The following SCAF11 variants were observed in gnomAD, a reference collection of about 807,000 sequenced individuals.
SCAF11 encodes the protein protein SCAF11.
In SCAF11, 47 loss-of-function variants were observed where a neutral mutation model predicts 140.5. That is an observed-to-expected ratio of 0.33 (90% CI 0.26 to 0.43). SCAF11 has a LOEUF of 0.43. Ranked by LOEUF, SCAF11 falls within the 20% of genes least tolerant of loss-of-function variation. The pLI, the probability that SCAF11 is intolerant of heterozygous loss-of-function variation, is 1.00. For missense variants in SCAF11, 1,645 were observed against 1,705.1 expected (o/e 0.96, Z 0.62); for synonymous variants, 557 against 579.4 (o/e 0.96, Z 0.55).
Position 45,919,515 on chromosome 12 carries a change from A to G in SCAF11, c.*2533T>C, listed in dbSNP as rs986689070. The G allele has an allele frequency of 2.6e-5, 4 of 152,392 alleles. No homozygotes were observed. Among genetic ancestry groups the G allele is most frequent in the Admixed American group, 2.6e-4 (4 of 15,290 alleles). 9.4% of individuals were successfully genotyped at this position (152,392 alleles called of 1,614,324 possible). ...CAATACTGAACCTTGATAAATAATA[A>G]GAGGAAATGTAACTCCACAAAATGT... On this transcript the variant is annotated 3_prime_UTR_variant, in exon 15 of 15. Coordinates refer to ENST00000369367, the MANE Select transcript of SCAF11 (RefSeq NM_004719.3).
At chr12:45,958,462 A>C (rs1013437299) in intron 3 of SCAF11, among the ~76,000 whole-genome samples, 6 of 152,224 alleles carry the variant, frequency 3.9e-5, no homozygotes, top group African/African-American at 1.4e-4. Flanking sequence ...ACATTTCATC[A>C]GTTCAAATGT....
Position 45,926,576 on chromosome 12 carries a change from A to C in SCAF11, c.3125T>G (p.Leu1042Trp), listed in dbSNP as rs761311811. Residue 1042 changes from leucine (L) to tryptophan (W), a missense_variant, in exon 11 of 15, where the codon TTG becomes TGG. Around this residue, in one of 2 missense-constraint regions of SCAF11, gnomAD observed 1,582 missense variants for 1,609.2 expected, o/e 0.98. Coordinates refer to ENST00000369367, the MANE Select transcript of SCAF11 (RefSeq NM_004719.3). ...ATTTTCTTCCCAATGAGACTCTTTC[A>C]ACTTTTCTGGATTTCTGGTTCTTGG... ...PDPRTRNPEK[L>W]KESHWEENRN... The C allele has an allele frequency of 6.2e-7, 1 of 1,613,186 alleles. No individual in the cohort carries two copies. Among genetic ancestry groups the C allele is most frequent in the Non-Finnish European group, 8.5e-7 (1 of 1,179,830 alleles).
intron 1 of SCAF11, 97 bp from the exon 2 acceptor site, chr12:45,964,285 T>C: frequency 3.1e-6 from 2 of 646,870 alleles, no homozygotes; most frequent in South Asian, 3.9e-5. Context: ...ATTTTACACA[T>C]AAAAGAACAC....
upstream of SCAF11, chr12:45,991,945 T>G (rs1946623108): frequency 7.8e-7 from 1 of 1,288,912 alleles, no homozygotes; most frequent in Non-Finnish European, 1.0e-6. Flanking sequence ...GCCCCCGTTC[T>G]GTTCGCGCGT....
In SCAF11 at chr12:45,979,842, T is replaced by C. The variant is rs527876846; in HGVS notation, c.-22+10511A>G. Among the ~76,000 whole-genome samples, 5 of 151,874 alleles carry C rather than the reference T, an allele frequency of 3.3e-5. No individual in the cohort carries two copies. The South Asian group carries it at 1.0e-3, about 32-fold the overall frequency. ...CAATCCTACTCCTATGAAATACAAC[T>C]CTAACCCAGATACCGATTGTATTAC... On this transcript the variant is annotated intron_variant, in intron 1 of 14. Transcript: ENST00000369367.
At chr12:45,974,083 A>T (rs1220616865) in intron 1 of SCAF11, 2 of 413,028 alleles carry the variant, frequency 4.8e-6, no homozygotes, top group Admixed American at 2.8e-5. Flanking sequence ...AAAGCAAGTC[A>T]CACAAAATTT....
chr12:45,926,783 T>C lies in SCAF11; in HGVS notation c.2918A>G (p.Asp973Gly). Residue 973 changes from aspartate to glycine, a missense_variant, in exon 11 of 15, where the codon GAT becomes GGT. This residue lies in a region of SCAF11 where 1,582 missense variants were observed against 1,609.2 expected (regional missense o/e 0.98). Coordinates refer to ENST00000369367, the MANE Select transcript of SCAF11 (RefSeq NM_004719.3). ...ATTTCCTCGTGGACATCTCCAACCA[T>C]CATTTGCCCATCTTCCCTTCCACCG... ...SPRWKGRWAN[D>G]GWRCPRGNDR... 3 of 1,614,184 alleles carry C rather than the reference T, an allele frequency of 1.9e-6. No individual in the cohort carries two copies. Among genetic ancestry groups the C allele is most frequent in the Non-Finnish European group, 2.5e-6 (3 of 1,180,034 alleles).
intron 11 of SCAF11, 133 bp downstream of exon 11, chr12:45,926,009 G>T: frequency 2.4e-6 from 2 of 846,500 alleles, no homozygotes; most frequent in Non-Finnish European, 3.5e-6. Context: ...AATGCTAAGT[G>T]ACTTGTAAAC....
At chr12:45,969,973 C>G (rs527361834) in intron 1 of SCAF11, among the ~76,000 whole-genome samples, 40 of 152,292 alleles carry the variant, frequency 2.6e-4, no homozygotes, top group Non-Finnish European at 5.0e-4. Context: ...CTCAGCTCAC[C>G]GCAACCTCCG....
intron 1 of SCAF11, among the ~76,000 whole-genome samples, chr12:45,983,509 T>C (rs1946390939): frequency 6.6e-6 from 1 of 152,050 alleles, no homozygotes; most frequent in South Asian, 2.1e-4. Flanking sequence ...CCGTCAATAC[T>C]GAACAACAGA....
At chr12:45,991,831 T>C (rs1233344130), upstream of SCAF11, 34 of 1,230,596 alleles carry the variant, frequency 2.8e-5, no homozygotes, top group Non-Finnish European at 3.5e-5. Context: ...CCCACGCCCT[T>C]GTCCTGCTTG....
intron 1 of SCAF11, among the ~76,000 whole-genome samples, chr12:45,971,681 T>G (rs1946077509): frequency 6.6e-6 from 1 of 152,182 alleles, no homozygotes; most frequent in East Asian, 1.9e-4. Flanking sequence ...CTTCCTAATG[T>G]TCAGAAAGAG....
intron 1 of SCAF11, among the ~76,000 whole-genome samples, chr12:45,978,517 G>C (rs1946284772): frequency 6.6e-6 from 1 of 152,158 alleles, no homozygotes; most frequent in African/African-American, 2.4e-5. Flanking sequence ...AGAGCAGTGA[G>C]ATGTTACAGA....
At chr12:45,945,987 G>C (rs981598935) in intron 5 of SCAF11, among the ~76,000 whole-genome samples, 1 of 152,124 alleles carries the variant, frequency 6.6e-6, no homozygotes, top group South Asian at 2.1e-4. Context: ...CACCACGTCT[G>C]GCTTCATCTC....
At chr12:45,966,501 G>A (rs1483501182) in intron 1 of SCAF11, among the ~76,000 whole-genome samples, 1 of 151,578 alleles carries the variant, frequency 6.6e-6, no homozygotes, top group Non-Finnish European at 1.5e-5. Context: ...GTTGAGAAGT[G>A]CTATGGAGAA....
chr12:45,922,663 TTCA>T (rs1159585220), intron 13 of SCAF11, 81 bp from the exon 14 acceptor site: 4 of 1,347,580 alleles, frequency 3.0e-6, no homozygotes. Flanking sequence ...TTGAAAATAC[TTCA>T]TATTTACAAT....
chr12:45,969,217 T>G (rs1360901379), intron 1 of SCAF11, among the ~76,000 whole-genome samples: 1 of 152,230 alleles, frequency 6.6e-6, no homozygotes, highest in Admixed American at 6.5e-5. Flanking sequence ...TACATTCCAT[T>G]TTAACAGTTG....
At chr12:45,932,565 A>T (rs1945073384) in intron 9 of SCAF11, among the ~76,000 whole-genome samples, 1 of 152,170 alleles carries the variant, frequency 6.6e-6, no homozygotes, top group African/African-American at 2.4e-5. Flanking sequence ...ATAATATGTT[A>T]TAGGAATTAA....
At position 45,919,553 on chromosome 12, in the gene SCAF11, T is replaced by C. The variant is rs780704372; in HGVS notation, c.*2495A>G. On this transcript the variant is annotated 3_prime_UTR_variant, in exon 15 of 15. Coordinates refer to ENST00000369367, the MANE Select transcript of SCAF11 (RefSeq NM_004719.3). Reference sequence around the variant, plus strand: ...CTCCACAAAATGTTTCTGATTAAGTTTGTGCCCATGCAAAATTAACATAAA... The same window carrying C: ...CTCCACAAAATGTTTCTGATTAAGTCTGTGCCCATGCAAAATTAACATAAA... 1 of 152,258 alleles carries C rather than the reference T, an allele frequency of 6.6e-6. No homozygotes were observed. The highest frequency in any genetic ancestry group is 2.4e-5 in the African/African-American group (1 of 41,460). The allele number at this position is 152,258 out of a possible 1,614,324, so 9.4% of individuals were successfully genotyped here.
Sources: gnomAD v4.1 joint callset for allele counts (sites outside exome capture counted in the v4.1 genomes callset) on GRCh38, gnomAD v4.1.1 for gene constraint, gnomAD v4.1.1 regional missense constraint, MANE v1.5 for transcripts, NCBI Gene and HGNC (gene_info 2026-07-23, HGNC 2026-07-21) for gene names.